Variants in PPP2R2D observed in about 807,000 individuals in gnomAD.
PPP2R2D encodes protein phosphatase 2 regulatory subunit Bdelta.
PPP2R2D carries 9 observed loss-of-function variants against 31.1 expected under a neutral mutation model. That is an observed-to-expected ratio of 0.29 (90% CI 0.17 to 0.51). The LOEUF is 0.51. PPP2R2D is among the 20% of genes least tolerant of loss of function. The pLI is 0.98. For synonymous variants in PPP2R2D, 179 were observed against 172.6 expected, an observed-to-expected ratio of 1.04 and a Z score of -0.29; for missense variants, 391 against 465.6, an observed-to-expected ratio of 0.84 and a Z score of 1.48.
chr10:131,916,204 A>G (rs782478463), intron 2 of PPP2R2D, among the ~76,000 whole-genome samples: 5 of 152,186 alleles, frequency 3.3e-5, no homozygotes, highest in African/African-American at 9.7e-5. Flanking sequence ...GTGGAGGCGC[A>G]CACACAGCAC....
At chr10:131,935,225 A>G (rs182447360) in intron 3 of PPP2R2D, among the ~76,000 whole-genome samples, 1 of 152,204 alleles carries the variant, frequency 6.6e-6, no homozygotes, top group Admixed American at 6.5e-5. Flanking sequence ...AAAGGAAGCA[A>G]GATCATGATT....
intron 3 of PPP2R2D, among the ~76,000 whole-genome samples, chr10:131,939,157 C>T (rs1316094145): frequency 2.9e-5 from 2 of 69,700 alleles, no homozygotes; most frequent in Non-Finnish European, 5.7e-5. Flanking sequence ...CGGCAGGCTG[C>T]ATTCGGCAGA....
At chr10:131,907,147 A>C (rs1341490951) in intron 2 of PPP2R2D, among the ~76,000 whole-genome samples, 1 of 151,888 alleles carries the variant, frequency 6.6e-6, no homozygotes, top group Non-Finnish European at 1.5e-5. Context: ...AGTCATATTT[A>C]TTGATTTCTT....
chr10:131,903,838 T>C (rs1237819998), intron 2 of PPP2R2D, among the ~76,000 whole-genome samples: 3 of 152,180 alleles, frequency 2.0e-5, no homozygotes, highest in Non-Finnish European at 4.4e-5. Context: ...TCACCAGGGA[T>C]TGCTGAGCAG....
the PPP2R2D span, chr10:131,968,658 G>C: frequency 4.2e-6 from 5 of 1,200,274 alleles, no homozygotes; most frequent in Non-Finnish European, 6.1e-6. Flanking sequence ...ACTGTGGTTA[G>C]AGCTTATGCA....
At chr10:131,950,668 G>A (rs2036620772) in intron 8 of PPP2R2D, among the ~76,000 whole-genome samples, 1 of 152,162 alleles carries the variant, frequency 6.6e-6, no homozygotes, top group South Asian at 2.1e-4. Flanking sequence ...TGCAGAAAGG[G>A]GCTGAGACAG....
At chr10:131,925,543 T>C (rs2036090237) in intron 2 of PPP2R2D, among the ~76,000 whole-genome samples, 1 of 152,196 alleles carries the variant, frequency 6.6e-6, no homozygotes, top group African/African-American at 2.4e-5. Context: ...GCAGAGAAAT[T>C]TTTAGTTCTT....
chr10:131,970,601 C>T, the PPP2R2D span: 3 of 1,606,272 alleles, frequency 1.9e-6, no homozygotes, highest in Non-Finnish European at 1.7e-6. The surrounding 1 kb of genome is among the most constrained non-coding windows in gnomAD (Gnocchi z 4.1). Context: ...CGCCCCACGA[C>T]ATGCCATGAC....
At chr10:131,909,487 A>G (rs1450095291) in intron 2 of PPP2R2D, among the ~76,000 whole-genome samples, 2 of 152,198 alleles carry the variant, frequency 1.3e-5, no homozygotes, top group African/African-American at 4.8e-5. Context: ...TAAAGGGCCA[A>G]ATGGTAAGTA....
rs2036886777 is a variant in PPP2R2D at position 131,959,373 on chromosome 10, G to T, written c.*3410G>T. On this transcript the variant is annotated 3_prime_UTR_variant, in exon 9 of 9. Transcript: ENST00000455566. ...CCCCCATCCCCCTGTGGAGATGAAG[G>T]CGTGTGCTGATCCGCCATCCCACTG... The T allele has an allele frequency of 6.8e-6, 1 of 147,810 alleles. No homozygotes were observed. The highest frequency in any genetic ancestry group is 1.5e-5 in the Non-Finnish European group (1 of 67,460). The allele number at this position is 147,810 out of a possible 1,614,324, so 9.2% of individuals were successfully genotyped here. A position where few individuals can be genotyped will look rare whatever the true frequency, so the allele number is the denominator to read the frequency against.
Position 131,940,199 on chromosome 10 carries a change from A to G in PPP2R2D, c.364+3A>G, listed in dbSNP as rs1554897023. On this transcript the variant is annotated splice_donor_region_variant and intron_variant, in intron 4 of 8. Coordinates refer to ENST00000455566, the MANE Select transcript of PPP2R2D (RefSeq NM_018461.5). ...TCATTTTCTACTGTCTACAAATGGT[A>G]AGAATTGTGTTCTAAGTGGCTGTTT... The G allele has an allele frequency of 1.1e-5, 8 of 729,330 alleles. No homozygotes were observed. The highest frequency in any genetic ancestry group is 2.0e-5 in the Non-Finnish European group (8 of 394,926). 45.2% of individuals were successfully genotyped at this position (729,330 alleles called of 1,614,324 possible).
At chr10:131,923,144 C>T (rs1163681197) in intron 2 of PPP2R2D, among the ~76,000 whole-genome samples, 1 of 152,190 alleles carries the variant, frequency 6.6e-6, no homozygotes, top group African/African-American at 2.4e-5. Flanking sequence ...CAGTCCCTCC[C>T]ATTCCCTCCA....
chr10:131,935,023 C>T (rs1038419686), intron 3 of PPP2R2D: 4 of 453,134 alleles, frequency 8.8e-6, no homozygotes, highest in Middle Eastern at 6.5e-4. Flanking sequence ...AGCACTCACT[C>T]CTCCATGCCC....
At chr10:131,938,071 A>T (rs566785715) in intron 3 of PPP2R2D, among the ~76,000 whole-genome samples, 1 of 148,988 alleles carries the variant, frequency 6.7e-6, no homozygotes, top group African/African-American at 2.5e-5. Flanking sequence ...CCTGCACGTC[A>T]GACTCAGTGC....
At chr10:131,942,274 T>C (rs1189319888) in intron 5 of PPP2R2D, among the ~76,000 whole-genome samples, 2 of 152,198 alleles carry the variant, frequency 1.3e-5, no homozygotes, top group Non-Finnish European at 2.9e-5. Flanking sequence ...CTAGGCCCAG[T>C]CTTGGTTTTA....
intron 4 of PPP2R2D, 146 bp downstream of exon 4, chr10:131,940,342 T>C (rs2036420122): frequency 1.7e-6 from 1 of 582,244 alleles, no homozygotes; most frequent in East Asian, 2.8e-5. Context: ...AAGTGATAGG[T>C]TGAAAATTCA....
intron 3 of PPP2R2D, among the ~76,000 whole-genome samples, chr10:131,936,957 C>T (rs570048848): frequency 7.2e-5 from 11 of 152,336 alleles, no homozygotes; most frequent in African/African-American, 1.7e-4. Context: ...CGGCAGTGCA[C>T]GTGTTCATCC....
intron 8 of PPP2R2D, among the ~76,000 whole-genome samples, chr10:131,948,920 G>A (rs1439869071): frequency 1.3e-5 from 2 of 152,222 alleles, no homozygotes; most frequent in Non-Finnish European, 2.9e-5. Context: ...CCTTGCATGG[G>A]GGTGGCCAGC....
At chr10:131,930,040 C>T (rs2036190621) in intron 2 of PPP2R2D, among the ~76,000 whole-genome samples, 1 of 152,128 alleles carries the variant, frequency 6.6e-6, no homozygotes, top group Non-Finnish European at 1.5e-5. Flanking sequence ...TGTATCCCCA[C>T]TCCCCACAAA....
Sources: allele counts gnomAD v4.1 joint callset (sites outside exome capture counted in the v4.1 genomes callset), GRCh38; gene constraint gnomAD v4.1.1; non-coding constraint Gnocchi (gnomAD v3.1); transcripts MANE v1.5; gene names NCBI Gene and HGNC (gene_info 2026-07-23, HGNC 2026-07-21).